The following PARD3 variants were observed in gnomAD, a reference collection of about 807,000 sequenced individuals.
PARD3 encodes par-3 family cell polarity regulator, also known as partitioning defective 3 homolog.
In PARD3, 75 loss-of-function variants were observed where a neutral mutation model predicts 155.4. That is an observed-to-expected ratio of 0.48 (90% CI 0.40 to 0.58). PARD3 has a LOEUF of 0.58. Ranked by LOEUF, PARD3 falls within the 20% of genes least tolerant of loss-of-function variation. PARD3 has a pLI of 0.00. For synonymous variants in PARD3, 576 were observed against 610.5 expected (o/e 0.94, Z 0.83); for missense variants, 1,642 against 1,721.7 (o/e 0.95, Z 0.82).
intron 22 of PARD3, among the ~76,000 whole-genome samples, chr10:34,242,803 C>T (rs372334424): frequency 8.5e-5 from 13 of 152,200 alleles, no homozygotes; most frequent in East Asian, 1.9e-4. Flanking sequence ...GGCGTGGTGG[C>T]GCACACCTGT....
chr10:34,611,242 G>T (rs2090868580), intron 2 of PARD3, among the ~76,000 whole-genome samples: 1 of 152,136 alleles, frequency 6.6e-6, no homozygotes, highest in Non-Finnish European at 1.5e-5. Context: ...AGCTTTCAAA[G>T]GTATTCTCTG....
At chr10:34,730,526 G>A (rs1001019033) in intron 1 of PARD3, among the ~76,000 whole-genome samples, 2 of 152,238 alleles carry the variant, frequency 1.3e-5, no homozygotes, top group Non-Finnish European at 2.9e-5. Flanking sequence ...GCTCACGCCT[G>A]TAATCCCTAC....
chr10:34,351,977 G>A (rs908613410), intron 14 of PARD3, among the ~76,000 whole-genome samples: 3 of 152,078 alleles, frequency 2.0e-5, no homozygotes, highest in Admixed American at 1.3e-4. Context: ...ATTCTAAGAG[G>A]GTTAAGCCTA....
chr10:34,301,233 T>C (rs751058330), intron 20 of PARD3, among the ~76,000 whole-genome samples: 1 of 152,210 alleles, frequency 6.6e-6, no homozygotes, highest in Admixed American at 6.5e-5. Context: ...CACAGAGTGC[T>C]GGGTAACCCT....
intron 15 of PARD3, chr10:34,345,537 T>C: frequency 3.0e-6 from 3 of 985,330 alleles, no homozygotes; most frequent in Non-Finnish European, 1.2e-6. Context: ...AAGACAATCA[T>C]TAACCAAACA....
intron 22 of PARD3, among the ~76,000 whole-genome samples, chr10:34,165,270 C>T (rs1008218490): frequency 6.6e-6 from 1 of 152,152 alleles, no homozygotes; most frequent in African/African-American, 2.4e-5. Context: ...TACGTGGAGT[C>T]TCACATCCAT....
chr10:34,380,896 A>G (rs1053034205), intron 9 of PARD3, among the ~76,000 whole-genome samples: 2 of 152,164 alleles, frequency 1.3e-5, no homozygotes, highest in African/African-American at 2.4e-5. Flanking sequence ...GTAGTTCTTG[A>G]TATGTTTTTG....
chr10:34,781,836 G>C (rs933544887), intron 1 of PARD3, among the ~76,000 whole-genome samples: 1 of 152,174 alleles, frequency 6.6e-6, no homozygotes, highest in East Asian at 1.9e-4. Context: ...AGAACACTGT[G>C]CTCTATCGGA....
rs566287273 is a variant in PARD3, at chr10:34,775,407, G to C, written c.120+39469C>G. ...TGCCTGCAGTCCCAGCTACTTGAGA[G>C]GCTGAGACAGGAGGATCACTTTAGC... On this transcript the variant is annotated intron_variant, in intron 1 of 24. Transcript: ENST00000374788. Among the ~76,000 whole-genome samples, 4 of 152,302 alleles carry C rather than the reference G, an allele frequency of 2.6e-5. No individual in the cohort carries two copies. In the East Asian group the frequency reaches 7.7e-4, roughly 29 times the overall value.
chr10:34,612,682 AGCTAATGGCT>A (rs1041466399), intron 2 of PARD3, among the ~76,000 whole-genome samples: 21 of 152,336 alleles, frequency 1.4e-4, no homozygotes, highest in African/African-American at 4.8e-4. Flanking sequence ...AGGTTTTATG[AGCTAATGGCT>A]GCAGAAAGCT....
chr10:34,124,948 G>A (rs763268842), intron 23 of PARD3, among the ~76,000 whole-genome samples: 2 of 152,188 alleles, frequency 1.3e-5, no homozygotes, highest in African/African-American at 4.8e-5. Context: ...GAGTCACAGA[G>A]CCTTTGGCTG....
rs767494732 is a variant in PARD3, at chr10:34,374,895, G to A, written c.1647C>T (p.Asp549=). The A allele has an allele frequency of 1.5e-5, 25 of 1,613,790 alleles. No homozygotes were observed. Among genetic ancestry groups the A allele is most frequent in the East Asian group, 4.5e-5 (2 of 44,894 alleles). The change falls in exon 11 of 25, where the codon GAC becomes GAT. Residue 549 remains aspartate (D), a synonymous_variant. Transcript: ENST00000374788. Reference sequence around the variant, plus strand: ...ACACCAGTTCCCTTGGGTGGAAGGCGTCTTCCTGGCGAAAGACCAGAAGGC... The same window carrying A: ...ACACCAGTTCCCTTGGGTGGAAGGCATCTTCCTGGCGAAAGACCAGAAGGC... ...TVSLLVFRQE[D]AFHPRELNAE...
At chr10:34,794,570 TG>T (rs1224900682) in intron 1 of PARD3, among the ~76,000 whole-genome samples, 1 of 152,210 alleles carries the variant, frequency 6.6e-6, no homozygotes, top group Non-Finnish European at 1.5e-5. Flanking sequence ...TGTATGAACT[TG>T]GGGGTACTAC....
intron 1 of PARD3, among the ~76,000 whole-genome samples, chr10:34,755,578 T>A (rs1836609955): frequency 6.6e-6 from 1 of 152,168 alleles, no homozygotes; most frequent in Admixed American, 6.5e-5. Context: ...GATCTGCTTG[T>A]AGTTAGCAGA....
At chr10:34,346,438 A>T (rs780087661) in intron 15 of PARD3, 1 of 1,348,710 alleles carries the variant, frequency 7.4e-7, no homozygotes, top group Non-Finnish European at 9.9e-7. Context: ...CAGTATGGCA[A>T]GTCCTATGTT....
At chr10:34,657,691 A>C (rs1193633075) in intron 2 of PARD3, among the ~76,000 whole-genome samples, 1 of 152,088 alleles carries the variant, frequency 6.6e-6, no homozygotes, top group East Asian at 1.9e-4. Flanking sequence ...GGCACACGCC[A>C]CCACGCCTGG....
chr10:34,187,956 A>C (rs1950556007), intron 22 of PARD3, among the ~76,000 whole-genome samples: 1 of 152,216 alleles, frequency 6.6e-6, no homozygotes, highest in South Asian at 2.1e-4. Flanking sequence ...TGTCTGGGTA[A>C]ATATGGCTGC....
intron 2 of PARD3, among the ~76,000 whole-genome samples, chr10:34,597,762 T>C (rs1036437861): frequency 2.0e-5 from 3 of 152,102 alleles, no homozygotes; most frequent in Admixed American, 1.3e-4. Context: ...TCTCTGGGTA[T>C]GGGGACCACA....
chr10:34,275,113 C>G (rs911650300), intron 21 of PARD3, among the ~76,000 whole-genome samples: 21 of 152,158 alleles, frequency 1.4e-4, no homozygotes, highest in Non-Finnish European at 2.9e-4. Context: ...TATGACTAAT[C>G]GCCACCAGTC....
Sources: allele counts gnomAD v4.1 joint callset (sites outside exome capture counted in the v4.1 genomes callset), GRCh38; gene constraint gnomAD v4.1.1; transcripts MANE v1.5; gene names NCBI Gene and HGNC (gene_info 2026-07-23, HGNC 2026-07-21).